COPS2: variants seen among roughly 807,000 people sequenced by gnomAD.
COPS2 encodes the protein COP9 signalosome subunit 2.
A neutral mutation model predicts 66.1 loss-of-function variants in COPS2; 10 were observed. The ratio of observed to expected loss-of-function variants is 0.15; its 90% CI spans 0.09 to 0.26. The LOEUF (loss-of-function observed/expected upper bound fraction) is 0.26. Among genes scored for constraint, COPS2 ranks in the 10% least tolerant of loss-of-function variants. The probability of loss-of-function intolerance (pLI) is 1.00; values close to 1 mark genes in which losing one functional copy is unlikely to be tolerated. For missense variants in COPS2, 215 were observed against 513.3 expected (o/e 0.42, Z 5.62); for synonymous variants, 179 against 171.3 (o/e 1.04, Z -0.35).
chr15:49,137,947 A>C (rs1459367909), intron 4 of COPS2: 1 of 152,332 alleles, frequency 6.6e-6, no homozygotes, highest in African/African-American at 2.4e-5. Context: ...TATTCACTCA[A>C]CTCTTATTTG....
intron 1 of COPS2, among the ~76,000 whole-genome samples, chr15:49,152,476 A>C (rs2084369677): frequency 6.6e-6 from 1 of 152,140 alleles, no homozygotes. Context: ...AGAAAACTCC[A>C]ACATTTCATT....
At chr15:49,151,692 C>G (rs930650225) in intron 1 of COPS2, among the ~76,000 whole-genome samples, 1 of 152,080 alleles carries the variant, frequency 6.6e-6, no homozygotes, top group Non-Finnish European at 1.5e-5. Flanking sequence ...GCACCATCAC[C>G]TACCACAGAT....
rs1373684155 is a variant in COPS2 at position 49,125,445 on chromosome 15, A to G, written c.*2505T>C. 3 of 152,122 alleles carry G rather than the reference A, an allele frequency of 2.0e-5. No individual in the cohort carries two copies. Among genetic ancestry groups the G allele is most frequent in the Non-Finnish European group, 4.4e-5 (3 of 67,956 alleles). The allele number at this position is 152,122 out of a possible 1,614,324, so 9.4% of individuals were successfully genotyped here. ...AAAAGAAGAATGAGATGAACACATT[A>G]CAATATGATGTAAACCACTGGTATG... is the stretch of plus-strand genomic sequence containing the variant. On this transcript the variant is annotated 3_prime_UTR_variant, in exon 13 of 13. Coordinates refer to ENST00000388901, the MANE Select transcript of COPS2 (RefSeq NM_004236.4).
chr15:49,129,525 T>C lies in COPS2; in HGVS notation c.1080A>G (p.Ile360Met). 1 of 1,512,660 alleles carries C rather than the reference T, an allele frequency of 6.6e-7. No individual in the cohort carries two copies. Among genetic ancestry groups the C allele is most frequent in the East Asian group, 2.5e-5 (1 of 40,592 alleles). The allele number at this position is 1,512,660 out of a possible 1,614,324, so 93.7% of individuals were successfully genotyped here. A position where few individuals can be genotyped will look rare whatever the true frequency, so the allele number is the denominator to read the frequency against. The change falls in exon 11 of 13, where the codon ATA becomes ATG. Residue 360 changes from isoleucine to methionine, a missense_variant. Physicochemically the swap from Ile to Met is conservative, Grantham distance 10. This residue lies in a region of COPS2 where 56 missense variants were observed against 173.6 expected (regional missense o/e 0.32). Coordinates refer to ENST00000388901, the MANE Select transcript of COPS2 (RefSeq NM_004236.4). Reference protein sequence around the residue: ...LLRNIRTQVLIKLIKPYTRIH... With the variant: ...LLRNIRTQVLMKLIKPYTRIH... ...TTCTTGTGTAAGGCTTAATTAATTT[T>C]ATAAGCACTTGTGTTCTGATGTTTC...
chr15:49,139,288 T>A lies in COPS2; in HGVS notation c.372+240A>T, dbSNP rs73408160. On this transcript the variant is annotated intron_variant, in intron 4 of 12. Coordinates refer to ENST00000388901, the MANE Select transcript of COPS2 (RefSeq NM_004236.4). ...AGTCTAACATAAGCCTGAAAAGTTG[T>A]TTACAGATTTTAGCATCTGAAGGCA... 1,731 of 368,050 alleles carry A rather than the reference T, an allele frequency of 4.7e-3. 29 individuals carry two copies. The highest frequency in any genetic ancestry group is 0.035 in the African/African-American group (1,636 of 46,936). 22.8% of individuals were successfully genotyped at this position (368,050 alleles called of 1,614,324 possible). A position where few individuals can be genotyped will look rare whatever the true frequency, so the allele number is the denominator to read the frequency against.
intron 3 of COPS2, among the ~76,000 whole-genome samples, chr15:49,141,675 A>ACATAGCTCCTACTCTGAGTCCAAT (rs2084290600): frequency 6.6e-6 from 1 of 152,230 alleles, no homozygotes; most frequent in Non-Finnish European, 1.5e-5. Context: ...ACCACACATA[A>ACATAGCTCCTACTCTGAGTCCAAT]CATAGCTCCT....
intron 9 of COPS2, among the ~76,000 whole-genome samples, chr15:49,131,306 T>A (rs1226455290): frequency 6.6e-6 from 1 of 151,970 alleles, no homozygotes; most frequent in Non-Finnish European, 1.5e-5. Flanking sequence ...CTTCTTAATT[T>A]TTATATTCTA....
At chr15:49,155,389 T>G in intron 1 of COPS2, 136 bp downstream of exon 1, 2 of 762,698 alleles carry the variant, frequency 2.6e-6, no homozygotes, top group East Asian at 2.7e-5. Flanking sequence ...GGGGAGGAGG[T>G]AAACCAGTCC....
intron 9 of COPS2, among the ~76,000 whole-genome samples, chr15:49,133,220 T>C (rs1247044699): frequency 1.3e-5 from 2 of 152,154 alleles, no homozygotes; most frequent in Non-Finnish European, 2.9e-5. Context: ...GATCTCCTGA[T>C]CTTGTGATCC....
At chr15:49,148,592 G>T (rs1450215496) in intron 1 of COPS2, among the ~76,000 whole-genome samples, 1 of 152,152 alleles carries the variant, frequency 6.6e-6, no homozygotes, top group Admixed American at 6.5e-5. Flanking sequence ...GACAACAGAA[G>T]TCTTACAAGG....
At chr15:49,146,349 T>A (rs1595825299) in intron 1 of COPS2, among the ~76,000 whole-genome samples, 1 of 152,122 alleles carries the variant, frequency 6.6e-6, no homozygotes, top group South Asian at 2.1e-4. Flanking sequence ...ATAAGTTTCA[T>A]AATTATTCAT....
chr15:49,142,009 A>G (rs2084292825), intron 3 of COPS2, among the ~76,000 whole-genome samples: 1 of 152,214 alleles, frequency 6.6e-6, no homozygotes, highest in Non-Finnish European at 1.5e-5. Context: ...TAATGGCACT[A>G]TAATTGTTTA....
rs570501867 is a variant in COPS2 at position 49,125,987 on chromosome 15, G to A, written c.*1963C>T. On this transcript the variant is annotated 3_prime_UTR_variant, in exon 13 of 13. Transcript: ENST00000388901. ...ATTCCATCAACTCAAAAGTTAAGAAGGGCTTTAGCTTTCAAGGGTTATCAC... is the reference window on the plus strand; with the variant it reads ...ATTCCATCAACTCAAAAGTTAAGAAAGGCTTTAGCTTTCAAGGGTTATCAC... 6.6e-6 allele frequency: 1 copy of A among 152,326 alleles called. No homozygotes were observed. Among genetic ancestry groups the A allele is most frequent in the South Asian group, 2.1e-4 (1 of 4,826 alleles). The allele number at this position is 152,326 out of a possible 1,614,324, so 9.4% of individuals were successfully genotyped here.
In COPS2 at chr15:49,128,099, A is replaced by G; in HGVS notation, c.1188-5T>C. On this transcript the variant is annotated splice_region_variant and splice_polypyrimidine_tract_variant and intron_variant, in intron 12 of 12. Transcript: ENST00000388901. ...TCAATTCGGCCATGAATAGTGCTAG[A>G]AAGAAATAAATAAGATGTGTCTACA... 1 of 1,612,346 alleles carries G rather than the reference A, an allele frequency of 6.2e-7. No homozygotes were observed. Among genetic ancestry groups the G allele is most frequent in the African/African-American group, 1.3e-5 (1 of 74,982 alleles).
intron 1 of COPS2, among the ~76,000 whole-genome samples, chr15:49,154,341 AACT>A (rs1256905326): frequency 6.6e-6 from 1 of 152,180 alleles, no homozygotes; most frequent in African/African-American, 2.4e-5. Context: ...CTATTAGCGA[AACT>A]ACATTTAACT....
At chr15:49,144,405 TA>T in intron 2 of COPS2, 101 bp from the exon 3 acceptor site, 1 of 661,566 alleles carries the variant, frequency 1.5e-6, no homozygotes, top group South Asian at 1.9e-5. Flanking sequence ...ACTATATGCA[TA>T]AAAAACATTT....
rs948645796 is a variant in COPS2, at chr15:49,138,866, A to G, written c.372+662T>C. ...CAAGTATCACAGAGTAAGAGGACGA[A>G]AAACTAAAACTGAGGACTATACTGC... On this transcript the variant is annotated intron_variant, in intron 4 of 12. Coordinates refer to ENST00000388901, the MANE Select transcript of COPS2 (RefSeq NM_004236.4). Among the ~76,000 whole-genome samples the G allele has an allele frequency of 7.9e-5, 12 of 152,330 alleles. 1 individual carries two copies. The highest frequency in any genetic ancestry group is 1.6e-4 in the Non-Finnish European group (11 of 68,014).
chr15:49,153,478 C>G (rs1025358441), intron 1 of COPS2, among the ~76,000 whole-genome samples: 5 of 152,102 alleles, frequency 3.3e-5, no homozygotes. Context: ...TTAGTATAGC[C>G]ATTATGGAGA....
At chr15:49,131,559 T>A (rs556933721) in intron 9 of COPS2, among the ~76,000 whole-genome samples, 1 of 151,990 alleles carries the variant, frequency 6.6e-6, no homozygotes, top group Non-Finnish European at 1.5e-5. Context: ...CTGCACGCCC[T>A]CTGCTAGTGC....
Sources: allele counts gnomAD v4.1 joint callset (sites outside exome capture counted in the v4.1 genomes callset), GRCh38; gene constraint gnomAD v4.1.1; regional missense constraint gnomAD v4.1.1; transcripts MANE v1.5; gene names NCBI Gene and HGNC (gene_info 2026-07-23, HGNC 2026-07-21).